The following SUV39H2 variants were observed in gnomAD, a reference collection of about 807,000 sequenced individuals.
SUV39H2 encodes histone-lysine N-methyltransferase SUV39H2.
SUV39H2 carries 10 observed loss-of-function variants against 47.5 expected under a neutral mutation model. The observed-to-expected ratio is 0.21, with a 90% confidence interval of 0.13 to 0.36. The LOEUF is 0.36. Among genes scored for constraint, SUV39H2 ranks in the 10% least tolerant of loss-of-function variants. The pLI, the probability that SUV39H2 is intolerant of heterozygous loss-of-function variation, is 1.00. For missense variants in SUV39H2, 266 were observed against 487.4 expected, an observed-to-expected ratio of 0.55 and a Z score of 4.28; for synonymous variants, 159 against 166.8, an observed-to-expected ratio of 0.95 and a Z score of 0.36.
intron 2 of SUV39H2, 96 bp downstream of exon 2, chr10:14,881,741 C>G (rs1833044452): frequency 1.8e-6 from 2 of 1,125,550 alleles, no homozygotes; most frequent in Non-Finnish European, 1.2e-6. Context: ...AAAAGCTCTT[C>G]TTAATGTTTA....
chr10:14,890,621 A>T (rs1044982542), intron 2 of SUV39H2, among the ~76,000 whole-genome samples: 1 of 152,194 alleles, frequency 6.6e-6, no homozygotes, highest in Non-Finnish European at 1.5e-5. Context: ...GGCTCAAGCA[A>T]TCCTCCTGCC....
intron 1 of SUV39H2, among the ~76,000 whole-genome samples, chr10:14,879,413 G>C (rs1158363387): frequency 1.3e-5 from 2 of 152,228 alleles, no homozygotes; most frequent in African/African-American, 2.4e-5. Flanking sequence ...CGGGGCGCCT[G>C]TGTGCTAAGA....
intron 2 of SUV39H2, among the ~76,000 whole-genome samples, chr10:14,896,360 A>G (rs894703513): frequency 6.6e-6 from 1 of 152,226 alleles, no homozygotes; most frequent in African/African-American, 2.4e-5. Context: ...GAACATCTAG[A>G]GAATGTGTGC....
At chr10:14,896,437 G>A (rs1833616455) in intron 2 of SUV39H2, among the ~76,000 whole-genome samples, 1 of 152,168 alleles carries the variant, frequency 6.6e-6, no homozygotes, top group African/African-American at 2.4e-5. Flanking sequence ...CGTTAAGAAT[G>A]CCTGAATCTA....
intron 3 of SUV39H2, chr10:14,897,736 A>C (rs1361946582): frequency 6.0e-6 from 2 of 334,468 alleles, no homozygotes; most frequent in Non-Finnish European, 1.1e-5. Context: ...AAATTGATAT[A>C]GTCATCTTTC....
In SUV39H2 at chr10:14,894,569, G is replaced by A. The variant is rs367599420; in HGVS notation, c.178-2277G>A. On this transcript the variant is annotated intron_variant, in intron 2 of 5. Transcript: ENST00000354919. ...TTTTTAGTAGAGACGGGGTTTCACCGTGTTAGCCAAGATGGTCTCGATCTC... is the reference window on the plus strand; with the variant it reads ...TTTTTAGTAGAGACGGGGTTTCACCATGTTAGCCAAGATGGTCTCGATCTC... 7.9e-5 allele frequency among the ~76,000 whole-genome samples: 5 copies of A among 63,324 alleles called. 1 individual carries two copies. Among genetic ancestry groups the A allele is most frequent in the Admixed American group, 3.1e-4 (2 of 6,516 alleles). The allele number at this position is 63,324 out of a possible 152,430, so 41.5% of individuals were successfully genotyped here.
intron 5 of SUV39H2, 58 bp from the exon 6 acceptor site, chr10:14,902,348 A>G: frequency 7.9e-7 from 1 of 1,259,542 alleles, no homozygotes; most frequent in Non-Finnish European, 1.1e-6. Context: ...AAAATTTGAA[A>G]TTTATTCTAA....
chr10:14,901,423 A>G (rs1833997864), intron 5 of SUV39H2, among the ~76,000 whole-genome samples, 161 bp downstream of exon 5: 1 of 152,252 alleles, frequency 6.6e-6, no homozygotes, highest in Non-Finnish European at 1.5e-5. Flanking sequence ...TCCAACAGCT[A>G]ATACTAGAAC....
At chr10:14,889,282 G>C (rs1440096391) in intron 2 of SUV39H2, among the ~76,000 whole-genome samples, 1 of 151,982 alleles carries the variant, frequency 6.6e-6, no homozygotes, top group Admixed American at 6.5e-5. Context: ...TTAATTTTGA[G>C]GAGGTATTAT....
intron 2 of SUV39H2, among the ~76,000 whole-genome samples, chr10:14,892,544 T>C (rs1301089865): frequency 1.3e-5 from 2 of 152,202 alleles, no homozygotes; most frequent in Non-Finnish European, 2.9e-5. Flanking sequence ...CAATCACTGC[T>C]CTCACTCCTT....
rs140852434 is a variant in SUV39H2, at chr10:14,896,958, A to G, written c.290A>G (p.Lys97Arg). The G allele has an allele frequency of 6.2e-7, 1 of 1,614,120 alleles. No homozygotes were observed. The highest frequency in any genetic ancestry group is 8.5e-7 in the Non-Finnish European group (1 of 1,180,008). The part of the protein sequence containing the change: ...PLLLQQFSND[K>R]HNYLSQVKKG... ...CTGCTTCAGCAATTCTCTAATGACA[A>G]GCATAATTATTTATCTCAGGTAAAG... Residue 97 changes from lysine to arginine, a missense_variant, in exon 3 of 6, where the codon AAG becomes AGG. This residue lies in a region of SUV39H2 where 91 missense variants were observed against 110.9 expected (regional missense o/e 0.82). Coordinates refer to ENST00000354919, the MANE Select transcript of SUV39H2 (RefSeq NM_001193424.2).
chr10:14,887,100 A>C (rs1413910558), intron 2 of SUV39H2, among the ~76,000 whole-genome samples: 8 of 152,226 alleles, frequency 5.3e-5, no homozygotes, highest in Non-Finnish European at 1.0e-4. Context: ...TGCAAAAAAG[A>C]AAGGGGATTG....
chr10:14,891,678 A>G (rs575586750), intron 2 of SUV39H2, among the ~76,000 whole-genome samples: 174 of 152,250 alleles, frequency 1.1e-3, no homozygotes, highest in Non-Finnish European at 2.2e-3. Context: ...GAATTGAGAT[A>G]ACCTGGTTTC....
chr10:14,888,903 G>A (rs182302254), intron 2 of SUV39H2, among the ~76,000 whole-genome samples: 3 of 152,212 alleles, frequency 2.0e-5, no homozygotes, highest in East Asian at 1.9e-4. Context: ...TCGGGAGTTC[G>A]AATCAGCCTG....
At chr10:14,883,053 G>T (rs1833088827) in intron 2 of SUV39H2, among the ~76,000 whole-genome samples, 1 of 151,908 alleles carries the variant, frequency 6.6e-6, no homozygotes, top group Admixed American at 6.6e-5. Flanking sequence ...TTTTTTAGTA[G>T]AGATGGGGTT....
rs1834100246 is a variant in SUV39H2, at chr10:14,902,600, C to G, written c.*88C>G. On this transcript the variant is annotated 3_prime_UTR_variant, in exon 6 of 6. Coordinates refer to ENST00000354919, the MANE Select transcript of SUV39H2 (RefSeq NM_001193424.2). ...AATACATATTTGGGACTCTTATTATCAAGGTTCTACCTATGTTAATTTACA... is the reference window on the plus strand; with the variant it reads ...AATACATATTTGGGACTCTTATTATGAAGGTTCTACCTATGTTAATTTACA... 1.3e-6 allele frequency: 1 copy of G among 784,450 alleles called. No homozygotes were observed. Among genetic ancestry groups the G allele is most frequent in the Non-Finnish European group, 1.9e-6 (1 of 516,252 alleles). The allele number at this position is 784,450 out of a possible 1,614,324, so 48.6% of individuals were successfully genotyped here. A position where few individuals can be genotyped will look rare whatever the true frequency, so the allele number is the denominator to read the frequency against.
At chr10:14,884,240 T>G (rs962348977) in intron 2 of SUV39H2, among the ~76,000 whole-genome samples, 1 of 152,226 alleles carries the variant, frequency 6.6e-6, no homozygotes, top group Non-Finnish European at 1.5e-5. Context: ...TTTAACTGTT[T>G]GAGGAACTGC....
chr10:14,891,033 T>TC (rs1833373099), intron 2 of SUV39H2, among the ~76,000 whole-genome samples: 1 of 152,192 alleles, frequency 6.6e-6, no homozygotes, highest in Non-Finnish European at 1.5e-5. Context: ...AAAATAAGAT[T>TC]CCATCCCTTC....
At chr10:14,888,513 A>G (rs1833284104) in intron 2 of SUV39H2, among the ~76,000 whole-genome samples, 3 of 152,016 alleles carry the variant, frequency 2.0e-5, no homozygotes, top group Admixed American at 6.6e-5. Flanking sequence ...GCGCTTGCCT[A>G]TAATCCCAGC....
Sources: gnomAD v4.1 joint callset for allele counts (sites outside exome capture counted in the v4.1 genomes callset) on GRCh38, gnomAD v4.1.1 for gene constraint, gnomAD v4.1.1 regional missense constraint, MANE v1.5 for transcripts, NCBI Gene and HGNC (gene_info 2026-07-23, HGNC 2026-07-21) for gene names.